GALNT13: variants seen among roughly 807,000 people sequenced by gnomAD.
GALNT13 encodes UDP-GalNAc:polypeptide N-acetylgalactosaminyltransferase 13.
In GALNT13, 28 loss-of-function variants were observed where a neutral mutation model predicts 64.2. The observed-to-expected ratio is 0.44, with a 90% CI of 0.32 to 0.60. The LOEUF (loss-of-function observed/expected upper bound fraction) is 0.60, where lower values mean the gene tolerates loss of function less well. GALNT13 is among the 20% of genes least tolerant of loss of function. The pLI is 0.05. For missense variants in GALNT13, 577 were observed against 669.8 expected, an observed-to-expected ratio of 0.86 and a Z score of 1.53; for synonymous variants, 214 against 224.6, an observed-to-expected ratio of 0.95 and a Z score of 0.42.
At chr2:154,342,190 A>G (rs190420354) in intron 9 of GALNT13, among the ~76,000 whole-genome samples, 4 of 152,220 alleles carry the variant, frequency 2.6e-5, no homozygotes, top group Admixed American at 2.0e-4. Flanking sequence ...ATCAATGTTT[A>G]GATAATTTTA....
chr2:153,986,518 G>T (rs1216749866), intron 3 of GALNT13, among the ~76,000 whole-genome samples: 2 of 151,924 alleles, frequency 1.3e-5, no homozygotes, highest in African/African-American at 4.8e-5. Context: ...TTTGGCAGCA[G>T]TTTCTCAATT....
the GALNT13 span, among the ~76,000 whole-genome samples, chr2:153,220,882 A>G: frequency 3.3e-5 from 5 of 152,230 alleles, no homozygotes; most frequent in Non-Finnish European, 7.3e-5. Flanking sequence ...GGAGTGGTCT[A>G]AATATACCAA....
At chr2:153,350,678 T>C in the GALNT13 span, among the ~76,000 whole-genome samples, 1 of 152,100 alleles carries the variant, frequency 6.6e-6, no homozygotes, top group African/African-American at 2.4e-5. Context: ...CCACCACACC[T>C]GGTTATGCAT....
intron 8 of GALNT13, among the ~76,000 whole-genome samples, chr2:154,269,925 T>TATATATATATATATATATATA (rs1421612508): frequency 1.6e-4 from 22 of 139,172 alleles, no homozygotes; most frequent in South Asian, 6.8e-4. Context: ...TATATATATA[T>TATATATATATATATATATATA]TTCTAAAGCA....
At chr2:154,420,061 A>G (rs986814268) in intron 11 of GALNT13, among the ~76,000 whole-genome samples, 8 of 152,120 alleles carry the variant, frequency 5.3e-5, no homozygotes, top group Admixed American at 2.0e-4. Context: ...CTCCCCTTAA[A>G]GTGAAATATC....
the GALNT13 span, among the ~76,000 whole-genome samples, chr2:153,111,787 C>G: frequency 6.6e-6 from 1 of 152,014 alleles, no homozygotes; most frequent in Non-Finnish European, 1.5e-5. Context: ...TTGACCTGTC[C>G]CTCCTTGTCT....
chr2:153,986,399 A>G (rs182723654), intron 3 of GALNT13, among the ~76,000 whole-genome samples: 3 of 152,146 alleles, frequency 2.0e-5, no homozygotes, highest in Non-Finnish European at 4.4e-5. Flanking sequence ...ACAGTAATCA[A>G]TAAGTGCTAG....
chr2:154,311,445 A>G (rs1243409127), intron 9 of GALNT13, among the ~76,000 whole-genome samples: 1 of 152,140 alleles, frequency 6.6e-6, no homozygotes, highest in African/African-American at 2.4e-5. Context: ...GGGAGTTTCA[A>G]AAGGGGAGGG....
chr2:153,072,393 A>G, the GALNT13 span, among the ~76,000 whole-genome samples: 18 of 152,138 alleles, frequency 1.2e-4, no homozygotes, highest in African/African-American at 4.3e-4. Context: ...AAGTTTACCA[A>G]CTACACAGAT....
chr2:154,182,868 G>A (rs2105734481), intron 4 of GALNT13, among the ~76,000 whole-genome samples: 1 of 152,084 alleles, frequency 6.6e-6, no homozygotes, highest in East Asian at 1.9e-4. Context: ...TTGTTTCTCA[G>A]GGACAAATCC....
chr2:153,738,407 G>A, the GALNT13 span, among the ~76,000 whole-genome samples: 2 of 151,822 alleles, frequency 1.3e-5, no homozygotes, highest in African/African-American at 4.8e-5. Context: ...ACATATTTGG[G>A]TGTAAACTTA....
chr2:153,688,671 T>A, the GALNT13 span, among the ~76,000 whole-genome samples: 1 of 152,052 alleles, frequency 6.6e-6, no homozygotes, highest in Non-Finnish European at 1.5e-5. Context: ...TTTGCTGATA[T>A]TGAACTTCAA....
At chr2:153,612,770 A>G in the GALNT13 span, among the ~76,000 whole-genome samples, 7 of 152,176 alleles carry the variant, frequency 4.6e-5, no homozygotes, top group Non-Finnish European at 2.9e-5. Flanking sequence ...AGAACAATCT[A>G]TTATCAAAAG....
intron 3 of GALNT13, among the ~76,000 whole-genome samples, chr2:154,134,706 T>G (rs1413363075): frequency 6.6e-6 from 1 of 152,230 alleles, no homozygotes; most frequent in African/African-American, 2.4e-5. Flanking sequence ...AATTAGCATG[T>G]ACAGGCTGCG....
intron 4 of GALNT13, among the ~76,000 whole-genome samples, chr2:154,212,012 A>G (rs534599542): frequency 8.5e-4 from 130 of 152,262 alleles, no homozygotes; most frequent in African/African-American, 3.1e-3. Context: ...AGAAAAAACT[A>G]AAAATATTGT....
chr2:154,113,281 T>C (rs1481752878), intron 3 of GALNT13, among the ~76,000 whole-genome samples: 2 of 152,132 alleles, frequency 1.3e-5, no homozygotes, highest in Non-Finnish European at 2.9e-5. Context: ...TCAAGCACCA[T>C]GGGATCTGCT....
intron 9 of GALNT13, among the ~76,000 whole-genome samples, chr2:154,304,022 G>A (rs894869710): frequency 6.6e-6 from 1 of 152,106 alleles, no homozygotes; most frequent in South Asian, 2.1e-4. Flanking sequence ...GCGGAGTGCT[G>A]TGATTACAGG....
chr2:153,973,512 A>G (rs1441202919), intron 3 of GALNT13, among the ~76,000 whole-genome samples: 2 of 151,928 alleles, frequency 1.3e-5, no homozygotes, highest in Non-Finnish European at 2.9e-5. Context: ...TTCTCAACTC[A>G]TATAGTACCT....
chr2:154,362,508 C>G (rs954851369), intron 9 of GALNT13, among the ~76,000 whole-genome samples: 13 of 151,814 alleles, frequency 8.6e-5, no homozygotes, highest in Admixed American at 3.9e-4. Flanking sequence ...GGGTGAGAGA[C>G]CATGTGTAGA....
Sources: gnomAD v4.1 joint callset for allele counts (sites outside exome capture counted in the v4.1 genomes callset) on GRCh38, gnomAD v4.1.1 for gene constraint, MANE v1.5 for transcripts, NCBI Gene and HGNC (gene_info 2026-07-23, HGNC 2026-07-21) for gene names.